The following NEBL variants were observed in gnomAD, a reference collection of about 807,000 sequenced individuals.
NEBL encodes nebulette, also known as LIM and SH3 protein 2.
Under a neutral mutation model 140.2 loss-of-function variants are expected in NEBL, and 122 were observed. That is an observed-to-expected ratio of 0.87 (90% CI 0.75 to 1.01). NEBL has a LOEUF of 1.01. Among genes scored for constraint, NEBL ranks in the 50% least tolerant of loss-of-function variants. The pLI, the probability that NEBL is intolerant of heterozygous loss-of-function variation, is 0.00. For missense variants in NEBL, 1,365 were observed against 1,231.3 expected, an observed-to-expected ratio of 1.11 and a Z score of -1.62; for synonymous variants, 436 against 398.9, an observed-to-expected ratio of 1.09 and a Z score of -1.11.
intron 3 of NEBL, among the ~76,000 whole-genome samples, chr10:21,212,989 A>G (rs986839298): frequency 1.3e-5 from 2 of 152,136 alleles, no homozygotes; most frequent in Admixed American, 6.6e-5. Flanking sequence ...TAGCAGCTAC[A>G]AATGTAACCA....
At chr10:21,157,638 T>G (rs2132144146) in intron 2 of NEBL, among the ~76,000 whole-genome samples, 1 of 152,364 alleles carries the variant, frequency 6.6e-6, no homozygotes, top group South Asian at 2.1e-4. Flanking sequence ...TGTGTATATA[T>G]TTCCTTTCTT....
In NEBL at chr10:20,785,714, T is replaced by G. The variant is rs1217318792; in HGVS notation, c.*33A>C. 6.2e-7 allele frequency: 1 copy of G among 1,606,062 alleles called. No homozygotes were observed. On this transcript the variant is annotated 3_prime_UTR_variant, in exon 28 of 28. Coordinates refer to ENST00000377122, the MANE Select transcript of NEBL (RefSeq NM_006393.3). ...TTAAAAAGATTAGGTTTGGGATACA[T>G]TAGAATAAAGCTCAAAGGGCAGGGA...
intron 5 of NEBL, among the ~76,000 whole-genome samples, chr10:20,879,241 T>C (rs1429997328): frequency 6.6e-6 from 1 of 152,220 alleles, no homozygotes; most frequent in African/African-American, 2.4e-5. Flanking sequence ...CTTAGTCTCA[T>C]TTTCCTCATC....
chr10:21,280,619 C>CTTTTTTTTTTTTTTTTTTTTTTTCT (rs554320752), intron 1 of NEBL, among the ~76,000 whole-genome samples: 2 of 98,134 alleles, frequency 2.0e-5, no homozygotes, highest in Non-Finnish European at 3.7e-5. Context: ...TTTCTTTTTC[C>CTTTTTTTTTTTTTTTTTTTTTTTCT]TTTTTTTTTT....
At chr10:21,032,158 A>T (rs1204442260) in intron 2 of NEBL, among the ~76,000 whole-genome samples, 1 of 152,246 alleles carries the variant, frequency 6.6e-6, no homozygotes, top group African/African-American at 2.4e-5. Context: ...TGATAACATT[A>T]GTGCAACAAT....
Position 21,068,423 on chromosome 10 carries a change from C to T in NEBL, c.165-48222G>A, listed in dbSNP as rs997884613. ...GTACTCTCCTGGCTACAGGGATGGCCGTGTGACTAGAATCAGGCCCAGCCA... is the reference window on the plus strand; with the variant it reads ...GTACTCTCCTGGCTACAGGGATGGCTGTGTGACTAGAATCAGGCCCAGCCA... On this transcript the variant is annotated intron_variant, in intron 2 of 6. Transcript: ENST00000417816. Among the ~76,000 whole-genome samples, 3 of 152,274 alleles carry T rather than the reference C, an allele frequency of 2.0e-5. No individual in the cohort carries two copies. The South Asian group carries it at 6.2e-4, about 32-fold the overall frequency.
intron 3 of NEBL, among the ~76,000 whole-genome samples, chr10:21,000,399 TCCC>T (rs1018022327): frequency 6.6e-6 from 1 of 151,906 alleles, no homozygotes; most frequent in Non-Finnish European, 1.5e-5. Flanking sequence ...GGGATTCTGG[TCCC>T]CCCATTAGTC....
intron 1 of NEBL, among the ~76,000 whole-genome samples, chr10:21,270,533 A>G (rs569048593): frequency 6.6e-6 from 1 of 151,706 alleles, no homozygotes; most frequent in Non-Finnish European, 1.5e-5. Context: ...CACTCAGCTA[A>G]TTTTTTGCAT....
At chr10:21,117,743 TC>T (rs1838348704) in intron 2 of NEBL, among the ~76,000 whole-genome samples, 1 of 152,132 alleles carries the variant, frequency 6.6e-6, no homozygotes, top group Non-Finnish European at 1.5e-5. Flanking sequence ...AGCTTCCACA[TC>T]TTTTTCGGCT....
chr10:20,782,623 C>T lies in NEBL; in HGVS notation c.*3124G>A, dbSNP rs1433205960. 6.6e-6 allele frequency: 1 copy of T among 152,208 alleles called. No homozygotes were observed. Among genetic ancestry groups the T allele is most frequent in the Non-Finnish European group, 1.5e-5 (1 of 68,064 alleles). 9.4% of individuals were successfully genotyped at this position (152,208 alleles called of 1,614,324 possible). A position where few individuals can be genotyped will look rare whatever the true frequency, so the allele number is the denominator to read the frequency against. The stretch of plus-strand genomic sequence containing the variant: ...GGCTGGTCTAATCTTATCCATATTC[C>T]TACAAGGTGCTTGTGGAAACTGTGC... On this transcript the variant is annotated 3_prime_UTR_variant, in exon 28 of 28. Transcript: ENST00000377122.
intron 2 of NEBL, among the ~76,000 whole-genome samples, chr10:21,158,437 T>C (rs73609208): frequency 0.033 from 5,006 of 152,290 alleles, 293 homozygotes; most frequent in African/African-American, 0.11. Context: ...ATACTATTAT[T>C]ATCAGCAACT....
intron 2 of NEBL, among the ~76,000 whole-genome samples, chr10:21,147,059 A>G (rs556855603): frequency 6.6e-6 from 1 of 152,298 alleles, no homozygotes; most frequent in South Asian, 2.1e-4. Flanking sequence ...GTCAGAAGCA[A>G]AAACCAAGGA....
chr10:20,871,226 T>C (rs1844901716), intron 5 of NEBL, among the ~76,000 whole-genome samples: 1 of 152,204 alleles, frequency 6.6e-6, no homozygotes, highest in Non-Finnish European at 1.5e-5. Context: ...CTGCAACCTT[T>C]CTGAAATAGC....
At chr10:21,128,008 A>G (rs1424791703) in intron 2 of NEBL, among the ~76,000 whole-genome samples, 3 of 152,218 alleles carry the variant, frequency 2.0e-5, no homozygotes, top group African/African-American at 7.2e-5. Context: ...CTAGGTACTT[A>G]TTTGTTAGGA....
intron 2 of NEBL, among the ~76,000 whole-genome samples, chr10:21,124,051 A>G (rs888080596): frequency 1.5e-4 from 23 of 152,146 alleles, no homozygotes; most frequent in East Asian, 9.7e-4. Context: ...CCACTGAAAT[A>G]CCTCTTGGTA....
chr10:20,791,606 C>G (rs1401939287), intron 26 of NEBL, among the ~76,000 whole-genome samples: 1 of 151,822 alleles, frequency 6.6e-6, no homozygotes, highest in Admixed American at 6.6e-5. Context: ...CATTGCCCAA[C>G]CTAGTCTCAA....
chr10:21,220,320 G>A (rs1388821970), intron 3 of NEBL, among the ~76,000 whole-genome samples: 1 of 152,132 alleles, frequency 6.6e-6, no homozygotes, highest in Non-Finnish European at 1.5e-5. Flanking sequence ...ATGTAACAGA[G>A]CAGAGAGCTC....
intron 2 of NEBL, among the ~76,000 whole-genome samples, chr10:21,096,058 T>A (rs1049120584): frequency 6.6e-6 from 1 of 152,220 alleles, no homozygotes; most frequent in Non-Finnish European, 1.5e-5. Flanking sequence ...AGGCTTTAAA[T>A]AGGATTAAAT....
chr10:21,168,733 C>T (rs71486487), intron 2 of NEBL, among the ~76,000 whole-genome samples: 3,447 of 151,964 alleles, frequency 0.023, 47 homozygotes, highest in Non-Finnish European at 0.035. Flanking sequence ...ATGAAACCAA[C>T]TTGATGTATG....
Sources: allele counts gnomAD v4.1 joint callset (sites outside exome capture counted in the v4.1 genomes callset), GRCh38; gene constraint gnomAD v4.1.1; transcripts MANE v1.5; gene names NCBI Gene and HGNC (gene_info 2026-07-23, HGNC 2026-07-21).